Variants in SEL1L3 observed in about 807,000 individuals in gnomAD.
SEL1L3 encodes the protein protein sel-1 homolog 3.
Under a neutral mutation model 142.8 loss-of-function variants are expected in SEL1L3, and 76 were observed. The ratio of observed to expected loss-of-function variants is 0.53; its 90% confidence interval spans 0.44 to 0.64. SEL1L3 has a LOEUF of 0.64. SEL1L3 is among the 30% of genes least tolerant of loss of function. The pLI is 0.00. For missense variants in SEL1L3, 1,262 were observed against 1,381.7 expected, an observed-to-expected ratio of 0.91 and a Z score of 1.37; for synonymous variants, 504 against 519.6, an observed-to-expected ratio of 0.97 and a Z score of 0.41.
chr4:25,750,678 A>C (rs1455341077), intron 23 of SEL1L3, among the ~76,000 whole-genome samples: 1 of 152,166 alleles, frequency 6.6e-6, no homozygotes, highest in Non-Finnish European at 1.5e-5. Context: ...TCCTCATGAA[A>C]TCTCTCTGAC....
upstream of SEL1L3, chr4:25,863,304 C>T (rs1717880776): frequency 2.0e-6 from 1 of 489,272 alleles, no homozygotes; most frequent in Non-Finnish European, 3.6e-6. Flanking sequence ...TCCTCTCCCT[C>T]CGGCTCCCTC....
chr4:25,756,314 A>T (rs1717955632), intron 23 of SEL1L3: 1 of 985,202 alleles, frequency 1.0e-6, no homozygotes, highest in Admixed American at 6.2e-5. Context: ...CCTACTATGC[A>T]TGAGTTATCA....
intron 20 of SEL1L3, among the ~76,000 whole-genome samples, chr4:25,761,263 C>T (rs1338133564): frequency 6.6e-6 from 1 of 152,060 alleles, no homozygotes; most frequent in African/African-American, 2.4e-5. Flanking sequence ...TCAAGTGATT[C>T]TCCTGCCTCA....
At chr4:25,787,861 T>C (rs1047654410) in intron 13 of SEL1L3, among the ~76,000 whole-genome samples, 2 of 152,192 alleles carry the variant, frequency 1.3e-5, no homozygotes, top group African/African-American at 4.8e-5. Flanking sequence ...CCAGCCCAAT[T>C]ACACACTATG....
At position 25,811,509 on chromosome 4, in the gene SEL1L3, G is replaced by A. The variant is rs561613494; in HGVS notation, c.1564+6629C>T. Among the ~76,000 whole-genome samples the A allele has an allele frequency of 4.6e-5, 7 of 152,308 alleles. No individual in the cohort carries two copies. The South Asian group carries it at 1.0e-3, about 23-fold the overall frequency. ...GGATTGGAGCTGCAGCTTGGCTAGCGCAAACCTTGAACTTGGGTCTCCTGG... is the reference window on the plus strand; with the variant it reads ...GGATTGGAGCTGCAGCTTGGCTAGCACAAACCTTGAACTTGGGTCTCCTGG... On this transcript the variant is annotated intron_variant, in intron 9 of 23. Transcript: ENST00000399878.
At chr4:25,729,768 C>T in the SEL1L3 span, among the ~76,000 whole-genome samples, 905 of 152,198 alleles carry the variant, frequency 5.9e-3, 9 homozygotes, top group African/African-American at 0.021. Flanking sequence ...GCATAAAACC[C>T]GGTCCACCCT....
At chr4:25,746,438 G>A (rs896777826), downstream of SEL1L3, among the ~76,000 whole-genome samples, 1 of 147,612 alleles carries the variant, frequency 6.8e-6, no homozygotes, top group South Asian at 2.2e-4. Flanking sequence ...GAACCTAGGA[G>A]GGGGAGGTTG....
the SEL1L3 span, among the ~76,000 whole-genome samples, chr4:25,725,061 G>A: frequency 6.6e-6 from 1 of 152,080 alleles, no homozygotes; most frequent in African/African-American, 2.4e-5. Context: ...CTTCCTGGGA[G>A]GTGGAGTATT....
intron 2 of SEL1L3, among the ~76,000 whole-genome samples, chr4:25,836,648 T>C (rs910859992): frequency 6.6e-6 from 1 of 151,782 alleles, no homozygotes; most frequent in African/African-American, 2.4e-5. Flanking sequence ...CAAGACTCCA[T>C]CTCAAAAAAA....
chr4:25,818,072 G>C, intron 9 of SEL1L3, 66 bp downstream of exon 9: 1 of 1,531,146 alleles, frequency 6.5e-7, no homozygotes, highest in Non-Finnish European at 8.8e-7. Context: ...AAGAGGGTGA[G>C]TGAAACAGAG....
At chr4:25,760,821 T>C (rs1718326396) in intron 20 of SEL1L3, among the ~76,000 whole-genome samples, 1 of 152,208 alleles carries the variant, frequency 6.6e-6, no homozygotes. Context: ...CGAGGCATTG[T>C]TCTGCTTTTT....
intron 2 of SEL1L3, among the ~76,000 whole-genome samples, chr4:25,839,467 C>T (rs1044647697): frequency 1.3e-5 from 2 of 152,148 alleles, no homozygotes; most frequent in African/African-American, 2.4e-5. Flanking sequence ...AAATAAATTA[C>T]GGTCTGTCAG....
At chr4:25,720,623 A>C in the SEL1L3 span, 1 of 152,212 alleles carries the variant, frequency 6.6e-6, no homozygotes, top group Non-Finnish European at 1.5e-5. Flanking sequence ...GTAAAGTGGA[A>C]TTTTAATTGG....
chr4:25,835,977 G>T (rs988844416), intron 2 of SEL1L3, among the ~76,000 whole-genome samples: 8 of 152,142 alleles, frequency 5.3e-5, no homozygotes, highest in Admixed American at 2.6e-4. Context: ...GCATCAGAGA[G>T]GGTTAAATAA....
In SEL1L3 at chr4:25,847,506, C is replaced by T. The variant is rs752407811; in HGVS notation, c.521G>A (p.Arg174His). ...HSISVSAVIVRAWITHKYSGR... is the reference protein window; with the variant it reads ...HSISVSAVIVHAWITHKYSGR... The stretch of plus-strand genomic sequence containing the variant: ...ACTGTATTTGTGAGTAATCCAGGCG[C>T]GTACTATCACTGCAGATACAGAGAT... Residue 174 changes from arginine to histidine, a missense_variant, in exon 2 of 24, where the codon CGC (arginine) becomes CAC (histidine). Transcript: ENST00000399878. 25 of 1,613,762 alleles carry T rather than the reference C, an allele frequency of 1.5e-5. No individual in the cohort carries two copies. The highest frequency in any genetic ancestry group is 1.3e-4 in the East Asian group (6 of 44,890).
At chr4:25,750,715 C>A (rs185733934) in intron 23 of SEL1L3, among the ~76,000 whole-genome samples, 1 of 152,142 alleles carries the variant, frequency 6.6e-6, no homozygotes, top group Non-Finnish European at 1.5e-5. Context: ...TCTTCATAAG[C>A]ACTACTTTGT....
chr4:25,813,282 C>T (rs1264939737), intron 9 of SEL1L3, among the ~76,000 whole-genome samples: 1 of 152,084 alleles, frequency 6.6e-6, no homozygotes, highest in Non-Finnish European at 1.5e-5. Flanking sequence ...TCACAATAGT[C>T]AAGGGGTGGA....
chr4:25,714,864 G>A, the SEL1L3 span, among the ~76,000 whole-genome samples: 7 of 151,894 alleles, frequency 4.6e-5, no homozygotes, highest in African/African-American at 4.8e-5. Flanking sequence ...GAGCCACCGC[G>A]CCCTGCCAAG....
At chr4:25,766,153 T>C in intron 19 of SEL1L3, among the ~76,000 whole-genome samples, 1 of 152,336 alleles carries the variant, frequency 6.6e-6, no homozygotes. Context: ...AGAGTATATG[T>C]ATCGGCTGAG....
Sources: allele counts gnomAD v4.1 joint callset (sites outside exome capture counted in the v4.1 genomes callset), GRCh38; gene constraint gnomAD v4.1.1; transcripts MANE v1.5; gene names NCBI Gene and HGNC (gene_info 2026-07-23, HGNC 2026-07-21).